The following CBR4 variants were observed in gnomAD, a reference collection of about 807,000 sequenced individuals.
CBR4 encodes carbonyl reductase 4.
A neutral mutation model predicts 21.0 loss-of-function variants in CBR4; 22 were observed. The observed-to-expected ratio is 1.05, with a 90% CI of 0.75 to 1.50. The LOEUF (loss-of-function observed/expected upper bound fraction) is 1.50. Among genes scored for constraint, CBR4 ranks in the 40% most tolerant of loss-of-function variants. The probability of loss-of-function intolerance (pLI) is 0.00; values close to 1 mark genes in which losing one functional copy is unlikely to be tolerated. For synonymous variants in CBR4, 100 were observed against 104.4 expected (o/e 0.96, Z 0.26); for missense variants, 302 against 286.3 (o/e 1.05, Z -0.40).
intron 2 of CBR4, among the ~76,000 whole-genome samples, chr4:168,965,420 C>G (rs1350711653): frequency 1.3e-5 from 2 of 151,716 alleles, no homozygotes; most frequent in African/African-American, 4.9e-5. Flanking sequence ...CATATGGAAC[C>G]AAAAAAGAGC....
At chr4:168,909,096 A>C (rs1227291633) in intron 2 of CBR4, among the ~76,000 whole-genome samples, 4 of 152,228 alleles carry the variant, frequency 2.6e-5, no homozygotes, top group African/African-American at 9.6e-5. Flanking sequence ...CTGTGCAGTT[A>C]CACCAAAGAG....
intron 4 of CBR4, among the ~76,000 whole-genome samples, chr4:169,000,462 TGATACCTGC>T (rs1209087506): frequency 1.3e-5 from 2 of 152,050 alleles, no homozygotes; most frequent in Non-Finnish European, 2.9e-5. Context: ...GATAAATCCC[TGATACCTGC>T]TGGCTCAACT....
Position 168,947,550 on chromosome 4 carries a change from C to T in CBR4, n.170-52785G>A, listed in dbSNP as rs115243449. On this transcript the variant is annotated intron_variant and non_coding_transcript_variant, in intron 2 of 3. Coordinates refer to the CBR4 transcript ENST00000509108. The stretch of plus-strand genomic sequence containing the variant: ...TTCCTCACCCCTCTCCCATCCTTCT[C>T]CCCAAGTCCCCTAAGTCCACTGTGT... 8.8e-3 allele frequency among the ~76,000 whole-genome samples: 1,333 copies of T among 152,278 alleles called. 15 individuals are homozygous for T. Among genetic ancestry groups the T allele is most frequent in the African/African-American group, 0.03 (1,252 of 41,552 alleles).
Position 168,988,394 on chromosome 4 carries a change from C to T in CBR4, c.*1756G>A, listed in dbSNP as rs2126799891. The T allele has an allele frequency of 1.0e-6, 1 of 985,388 alleles. No homozygotes were observed. Among genetic ancestry groups the T allele is most frequent in the East Asian group, 1.1e-4 (1 of 8,816 alleles). The allele number at this position is 985,388 out of a possible 1,614,324, so 61.0% of individuals were successfully genotyped here. A position where few individuals can be genotyped will look rare whatever the true frequency, so the allele number is the denominator to read the frequency against. On this transcript the variant is annotated 3_prime_UTR_variant, in exon 5 of 5. Transcript: ENST00000306193. ...TGTCAGCAAAACATACTGCTTTCTA[C>T]CCAAATCACCAATTGAATCAGCCTC... is the stretch of plus-strand genomic sequence containing the variant.
intron 2 of CBR4, among the ~76,000 whole-genome samples, chr4:168,923,916 C>G (rs577115025): frequency 2.2e-5 from 2 of 92,870 alleles, no homozygotes; most frequent in African/African-American, 6.0e-5. Flanking sequence ...TGTGAATGAT[C>G]GGTAACATAA....
chr4:168,915,065 T>C (rs10084867), intron 2 of CBR4, among the ~76,000 whole-genome samples: 1,797 of 152,324 alleles, frequency 0.012, 49 homozygotes, highest in African/African-American at 0.041. Flanking sequence ...CCTTTCCTTA[T>C]ATCAGTGGGT....
chr4:168,999,490 T>A (rs1255579589), intron 4 of CBR4, among the ~76,000 whole-genome samples: 1 of 152,008 alleles, frequency 6.6e-6, no homozygotes, highest in Non-Finnish European at 1.5e-5. Context: ...TAAAGGCCAC[T>A]CTATTAAATG....
intron 2 of CBR4, chr4:168,927,333 G>A: frequency 8.6e-6 from 2 of 232,436 alleles, no homozygotes; most frequent in Non-Finnish European, 1.7e-5. Flanking sequence ...AAACATAGGT[G>A]AAAAAAACAC....
At chr4:168,917,773 CAA>C (rs1292398984) in intron 2 of CBR4, among the ~76,000 whole-genome samples, 1 of 151,992 alleles carries the variant, frequency 6.6e-6, no homozygotes, top group Non-Finnish European at 1.5e-5. Context: ...TATAAATACA[CAA>C]ATTGTGTTTC....
At chr4:168,896,494 T>C in intron 2 of CBR4, 1 of 1,018,530 alleles carries the variant, frequency 9.8e-7, no homozygotes, top group Non-Finnish European at 1.5e-6. Flanking sequence ...GAAATCTTGC[T>C]GCATTCTTAT....
At chr4:168,902,906 G>A (rs564517134) in intron 2 of CBR4, among the ~76,000 whole-genome samples, 1 of 152,114 alleles carries the variant, frequency 6.6e-6, no homozygotes, top group South Asian at 2.1e-4. Context: ...CAAATAGCTA[G>A]GGCTATAGAC....
chr4:168,961,715 C>A (rs1201273772), intron 2 of CBR4, among the ~76,000 whole-genome samples: 1 of 151,184 alleles, frequency 6.6e-6, no homozygotes, highest in Non-Finnish European at 1.5e-5. Flanking sequence ...CATGGTGAAA[C>A]CCCGTCTCTA....
chr4:168,989,220 ATGT>A lies in CBR4; in HGVS notation c.*927_*929del, dbSNP rs1425183565. 2.1e-6 allele frequency: 2 copies of A among 974,558 alleles called. No individual in the cohort carries two copies. Among genetic ancestry groups the A allele is most frequent in the Non-Finnish European group, 2.4e-6 (2 of 820,036 alleles). 60.4% of individuals were successfully genotyped at this position (974,558 alleles called of 1,614,324 possible). ...ATGCAAAATACTCTTAATTTTTTAA[ATGT>A]TGTATTTCTCGTTTTTAAATATTAA... On this transcript the variant is annotated 3_prime_UTR_variant, in exon 5 of 5. Coordinates refer to ENST00000306193, the MANE Select transcript of CBR4 (RefSeq NM_032783.5).
chr4:169,009,845 C>T lies in CBR4; in HGVS notation c.142+103G>A, dbSNP rs1022393710. 8 of 1,128,194 alleles carry T rather than the reference C, an allele frequency of 7.1e-6. No individual in the cohort carries two copies. The African/African-American group carries it at 7.9e-5, about 11-fold the overall frequency. 69.9% of individuals were successfully genotyped at this position (1,128,194 alleles called of 1,614,324 possible). ...GCCTGCACGCGGCTACATCGAGTAA[C>T]CCTAGAGCCCTAAAGGCCAGACCCG... On this transcript the variant is annotated intron_variant, in intron 1 of 4. Coordinates refer to ENST00000306193, the MANE Select transcript of CBR4 (RefSeq NM_032783.5).
intron 2 of CBR4, among the ~76,000 whole-genome samples, chr4:168,940,988 A>C (rs1763247952): frequency 6.6e-6 from 1 of 152,246 alleles, no homozygotes; most frequent in Non-Finnish European, 1.5e-5. Flanking sequence ...ACGTATGTAT[A>C]CTGCAGCACT....
chr4:168,970,464 T>G (rs1489030530), intron 2 of CBR4, among the ~76,000 whole-genome samples: 3 of 152,120 alleles, frequency 2.0e-5, no homozygotes, highest in African/African-American at 7.2e-5. Context: ...AAAAGAACAT[T>G]TTTTTTGAAT....
At position 168,980,801 on chromosome 4, in the gene CBR4, G is replaced by C. The variant is rs111719031; in HGVS notation, n.169+21270C>G. Among the ~76,000 whole-genome samples, 146 of 152,314 alleles carry C rather than the reference G, an allele frequency of 9.6e-4. 1 individual carries two copies. Among genetic ancestry groups the C allele is most frequent in the African/African-American group, 3.4e-3 (141 of 41,576 alleles). Reference sequence around the variant, plus strand: ...TGAAAACATCCAGAAATGAAGGCAAGTGACTACAGTCAAGTTACACCATGA... The same window carrying C: ...TGAAAACATCCAGAAATGAAGGCAACTGACTACAGTCAAGTTACACCATGA... On this transcript the variant is annotated intron_variant and non_coding_transcript_variant, in intron 2 of 3. Coordinates refer to the CBR4 transcript ENST00000509108.
chr4:169,007,580 T>C (rs1731013443), intron 2 of CBR4, 56 bp downstream of exon 2: 1 of 1,108,112 alleles, frequency 9.0e-7, no homozygotes, highest in Non-Finnish European at 1.2e-6. Flanking sequence ...AAAGACATAT[T>C]AGGAATAAAA....
chr4:168,930,574 C>G (rs1216064991), intron 2 of CBR4, among the ~76,000 whole-genome samples: 1 of 152,140 alleles, frequency 6.6e-6, no homozygotes, highest in Non-Finnish European at 1.5e-5. Context: ...TTCATCCCCC[C>G]AAGAAAGGAT....
Sources: gnomAD v4.1 joint callset for allele counts (sites outside exome capture counted in the v4.1 genomes callset) on GRCh38, gnomAD v4.1.1 for gene constraint, MANE v1.5 for transcripts, NCBI Gene and HGNC (gene_info 2026-07-23, HGNC 2026-07-21) for gene names.